Variants in ZNF407 observed in about 807,000 individuals in gnomAD.
The protein encoded by ZNF407 is zinc finger protein 407.
Under a neutral mutation model 131.2 loss-of-function variants are expected in ZNF407, and 17 were observed. The observed-to-expected ratio is 0.13, with a 90% CI of 0.09 to 0.19. The LOEUF is 0.19. Ranked by LOEUF, ZNF407 falls within the 10% of genes least tolerant of loss-of-function variation. The pLI is 1.00. For synonymous variants in ZNF407, 1,156 were observed against 1,062.0 expected (o/e 1.09, Z -1.72); for missense variants, 2,681 against 2,830.6 (o/e 0.95, Z 1.20).
At chr18:74,623,604 T>C (rs1037942065) in intron 1 of ZNF407, among the ~76,000 whole-genome samples, 1 of 152,386 alleles carries the variant, frequency 6.6e-6, no homozygotes, top group Admixed American at 6.5e-5. Context: ...TTCTTTGATA[T>C]GCAGAAAGAA....
At chr18:74,789,146 G>T (rs907570994) in intron 4 of ZNF407, among the ~76,000 whole-genome samples, 1 of 152,270 alleles carries the variant, frequency 6.6e-6, no homozygotes, top group East Asian at 1.9e-4. Context: ...GATAATTTTC[G>T]TAGGTATAAG....
At chr18:74,676,480 AG>A (rs1986370411) in intron 3 of ZNF407, among the ~76,000 whole-genome samples, 1 of 143,138 alleles carries the variant, frequency 7.0e-6, no homozygotes, top group African/African-American at 2.7e-5. Context: ...TCTGTCACCC[AG>A]GCTGGAGTGC....
chr18:74,688,191 G>A lies in ZNF407; in HGVS notation c.4802+47069G>A, dbSNP rs77041535. ...CTCAGCAGTCATTGTTTTCCTTAAA[G>A]GGTGATTGCCTTTGAGAACAGATTC... On this transcript the variant is annotated intron_variant, in intron 3 of 8. Coordinates refer to ENST00000299687, the MANE Select transcript of ZNF407 (RefSeq NM_017757.3). Among the ~76,000 whole-genome samples the A allele has an allele frequency of 6.9e-3, 1,058 of 152,272 alleles. 17 individuals carry two copies. Among genetic ancestry groups the A allele is most frequent in the African/African-American group, 0.024 (1,011 of 41,562 alleles).
In ZNF407 at chr18:74,632,945, A is replaced by G. The variant is rs766745696; in HGVS notation, c.1926A>G (p.Ser642=). 3.7e-6 allele frequency: 6 copies of G among 1,613,326 alleles called. No individual in the cohort carries two copies. The highest frequency in any genetic ancestry group is 5.1e-6 in the Non-Finnish European group (6 of 1,179,696). The part of the protein sequence containing the change: ...EHKATEKHIN[S]LVQPKTLQSS... ...AAGCCACCGAGAAGCATATTAATTCATTGGTTCAACCAAAGACTTTGCAAT... is the reference window on the plus strand; with the variant it reads ...AAGCCACCGAGAAGCATATTAATTCGTTGGTTCAACCAAAGACTTTGCAAT... Residue 642 remains serine, a synonymous_variant, in exon 2 of 9, where the codon TCA becomes TCG. Transcript: ENST00000299687.
At chr18:74,829,177 TAAAAG>T (rs1970449450) in intron 4 of ZNF407, among the ~76,000 whole-genome samples, 1 of 152,226 alleles carries the variant, frequency 6.6e-6, no homozygotes, top group South Asian at 2.1e-4. Flanking sequence ...CATAAAATAT[TAAAAG>T]GAAATAGAGA....
At chr18:74,672,365 C>T (rs1000905022) in intron 3 of ZNF407, among the ~76,000 whole-genome samples, 3 of 152,056 alleles carry the variant, frequency 2.0e-5, no homozygotes, top group African/African-American at 7.2e-5. Flanking sequence ...TGAAATGTGT[C>T]TGTTCGTTGG....
At chr18:74,709,003 C>T (rs1233699441) in intron 3 of ZNF407, among the ~76,000 whole-genome samples, 1 of 152,112 alleles carries the variant, frequency 6.6e-6, no homozygotes, top group East Asian at 1.9e-4. Flanking sequence ...TGAAAGACCT[C>T]AAAATAATGC....
At chr18:74,738,457 T>G (rs1490415655) in intron 3 of ZNF407, among the ~76,000 whole-genome samples, 4 of 132,232 alleles carry the variant, frequency 3.0e-5, no homozygotes, top group East Asian at 2.2e-4. Flanking sequence ...AAGGAGAAGT[T>G]GGCCGGGTGT....
intron 7 of ZNF407, among the ~76,000 whole-genome samples, chr18:74,902,948 T>G (rs529455139): frequency 6.6e-6 from 1 of 152,296 alleles, no homozygotes; most frequent in Non-Finnish European, 1.5e-5. Context: ...CACCCACCAG[T>G]GCCTGCAGTA....
At chr18:74,624,447 A>G (rs1245797518) in intron 1 of ZNF407, among the ~76,000 whole-genome samples, 1 of 152,144 alleles carries the variant, frequency 6.6e-6, no homozygotes, top group Admixed American at 6.5e-5. Flanking sequence ...GATACCTATT[A>G]AACCACTCTG....
At chr18:74,946,531 CT>C (rs1364953142) in intron 8 of ZNF407, among the ~76,000 whole-genome samples, 5 of 152,164 alleles carry the variant, frequency 3.3e-5, no homozygotes, top group Admixed American at 1.3e-4. Context: ...TTTGACCACA[CT>C]TTACAGTGAT....
chr18:74,801,954 C>T (rs1970027833), intron 4 of ZNF407, among the ~76,000 whole-genome samples: 1 of 152,072 alleles, frequency 6.6e-6, no homozygotes, highest in Non-Finnish European at 1.5e-5. Context: ...TAAAAAATAA[C>T]CATTTTCTTT....
intron 3 of ZNF407, among the ~76,000 whole-genome samples, chr18:74,686,687 T>TA (rs1339474926): frequency 3.9e-5 from 6 of 152,236 alleles, no homozygotes; most frequent in African/African-American, 7.2e-5. Flanking sequence ...GAAAAGATTG[T>TA]AAACCACTGT....
intron 3 of ZNF407, among the ~76,000 whole-genome samples, chr18:74,764,291 C>CT (rs1227541250): frequency 1.2e-4 from 19 of 152,082 alleles, no homozygotes; most frequent in African/African-American, 4.1e-4. Flanking sequence ...TCTGTTTGTG[C>CT]TTTTTTTGTG....
intron 7 of ZNF407, among the ~76,000 whole-genome samples, chr18:74,897,195 C>T (rs1396441509): frequency 2.0e-5 from 3 of 152,138 alleles, no homozygotes; most frequent in Non-Finnish European, 4.4e-5. Context: ...AACAAAACAA[C>T]CTTGTTTAAG....
At chr18:74,831,159 C>T (rs72975447) in intron 4 of ZNF407, among the ~76,000 whole-genome samples, 12,062 of 152,118 alleles carry the variant, frequency 0.079, 627 homozygotes, top group South Asian at 0.17. Context: ...CCATGTTTTC[C>T]TTATCCGTTC....
chr18:75,052,160 A>G (rs896059925), intron 8 of ZNF407, among the ~76,000 whole-genome samples: 18 of 152,286 alleles, frequency 1.2e-4, no homozygotes, highest in African/African-American at 4.1e-4. Context: ...GCTTAATTTT[A>G]TGTATGCATG....
chr18:74,795,130 T>C (rs951553466), intron 4 of ZNF407, among the ~76,000 whole-genome samples: 2 of 152,154 alleles, frequency 1.3e-5, no homozygotes, highest in African/African-American at 4.8e-5. Context: ...AAACAAGACT[T>C]TTCTAGAGAA....
intron 4 of ZNF407, among the ~76,000 whole-genome samples, chr18:74,865,653 A>G (rs930597554): frequency 2.6e-5 from 4 of 152,222 alleles, no homozygotes; most frequent in Non-Finnish European, 5.9e-5. Flanking sequence ...TAAATGATCT[A>G]TATCCAGTAT....
Sources: allele counts gnomAD v4.1 joint callset (sites outside exome capture counted in the v4.1 genomes callset), GRCh38; gene constraint gnomAD v4.1.1; transcripts MANE v1.5; gene names NCBI Gene and HGNC (gene_info 2026-07-23, HGNC 2026-07-21).